The following ADAM12 variants were observed in gnomAD, a reference collection of about 807,000 sequenced individuals.
ADAM12 encodes disintegrin and metalloproteinase domain-containing protein 12.
A neutral mutation model predicts 106.4 loss-of-function variants in ADAM12; 70 were observed. The ratio of observed to expected loss-of-function variants is 0.66; its 90% CI spans 0.54 to 0.80. The LOEUF is 0.80. Ranked by LOEUF, ADAM12 falls within the 30% of genes least tolerant of loss-of-function variation. The pLI is 0.00. For missense variants in ADAM12, 1,010 were observed against 1,171.9 expected (o/e 0.86, Z 2.02); for synonymous variants, 420 against 433.5 (o/e 0.97, Z 0.39).
At chr10:126,289,027 G>C (rs1165773914) in intron 2 of ADAM12, among the ~76,000 whole-genome samples, 1 of 144,314 alleles carries the variant, frequency 6.9e-6, no homozygotes, top group Non-Finnish European at 1.5e-5. Context: ...CCAGGAATAA[G>C]ATTGTGTGGT....
At position 126,055,461 on chromosome 10, in the gene ADAM12, T is replaced by G. The variant is rs75140989; in HGVS notation, c.1610-5792A>C. Among the ~76,000 whole-genome samples the G allele has an allele frequency of 1.7e-3, 260 of 152,390 alleles. 1 individual carries two copies. In the East Asian group the frequency reaches 0.03, roughly 18 times the overall value. On this transcript the variant is annotated intron_variant, in intron 14 of 22. Transcript: ENST00000448723. ...CAGGCCACTTGTAATTAAAGTATGG[T>G]GCTGGATACAGCACGCGGTATCATC...
intron 11 of ADAM12, among the ~76,000 whole-genome samples, chr10:126,077,133 A>G (rs1003611884): frequency 2.6e-5 from 4 of 152,188 alleles, no homozygotes; most frequent in Non-Finnish European, 4.4e-5. Context: ...AACAAAATCA[A>G]GAACACAATC....
At chr10:126,385,350 G>C (rs1231310321) in intron 1 of ADAM12, among the ~76,000 whole-genome samples, 2 of 152,164 alleles carry the variant, frequency 1.3e-5, no homozygotes, top group African/African-American at 4.8e-5. Context: ...TTGCAAGGGA[G>C]GTGGCACTAA....
intron 2 of ADAM12, among the ~76,000 whole-genome samples, chr10:126,329,496 C>T (rs993680246): frequency 1.3e-5 from 2 of 152,126 alleles, no homozygotes; most frequent in African/African-American, 4.8e-5. Flanking sequence ...CTATACTTGA[C>T]TTGTACCTTG....
In ADAM12 at chr10:126,242,398, C is replaced by T. The variant is rs544989969; in HGVS notation, c.260+36517G>A. Among the ~76,000 whole-genome samples, 8 of 152,342 alleles carry T rather than the reference C, an allele frequency of 5.3e-5. No homozygotes were observed. In the South Asian group the frequency reaches 1.2e-3, roughly 24 times the overall value. ...TTATGGTTCAGCAGTAAACACTAAA[C>T]AGGCTTGCTCATTTTCCATTGAAAT... On this transcript the variant is annotated intron_variant, in intron 3 of 22. Transcript: ENST00000448723.
chr10:126,325,232 A>C (rs1438663257), intron 2 of ADAM12, among the ~76,000 whole-genome samples: 1 of 152,266 alleles, frequency 6.6e-6, no homozygotes, highest in African/African-American at 2.4e-5. Context: ...AGTAAGATAA[A>C]GAGTGAAAGG....
intron 3 of ADAM12, among the ~76,000 whole-genome samples, chr10:126,234,082 G>C (rs1958367385): frequency 6.6e-6 from 1 of 152,162 alleles, no homozygotes; most frequent in South Asian, 2.1e-4. Flanking sequence ...TACACAGCAG[G>C]CGGAGTACAG....
In ADAM12 at chr10:126,036,225, G is replaced by A. The variant is rs1464689823; in HGVS notation, c.2450C>T (p.Pro817Leu). 6 of 1,550,858 alleles carry A rather than the reference G, an allele frequency of 3.9e-6. No individual in the cohort carries two copies. Among genetic ancestry groups the A allele is most frequent in the Non-Finnish European group, 5.2e-6 (6 of 1,153,766 alleles). The change falls in exon 21 of 23, where the codon CCT (proline) becomes CTT (leucine). Residue 817 changes from proline to leucine, a missense_variant. Around this residue, in one of 3 missense-constraint regions of ADAM12, gnomAD observed 615 missense variants for 708.5 expected, o/e 0.87. Coordinates refer to ENST00000448723, the MANE Select transcript of ADAM12 (RefSeq NM_001288973.2). The part of the protein sequence containing the change: ...PQPQSTQRVL[P>L]PLHRAPRAPS... Reference sequence around the variant, plus strand: ...TGCACGTGGAGCCCGGTGGAGGGGAGGAAGCACTCGCTGAGTTGACTGGGG... The same window carrying A: ...TGCACGTGGAGCCCGGTGGAGGGGAAGAAGCACTCGCTGAGTTGACTGGGG...
At chr10:126,131,542 T>A (rs949352677) in intron 5 of ADAM12, among the ~76,000 whole-genome samples, 1 of 152,086 alleles carries the variant, frequency 6.6e-6, no homozygotes, top group Non-Finnish European at 1.5e-5. Context: ...CAGGCTTAGA[T>A]GAGATCATGA....
intron 3 of ADAM12, among the ~76,000 whole-genome samples, chr10:126,184,469 T>G (rs965287065): frequency 2.6e-5 from 4 of 152,366 alleles, no homozygotes; most frequent in African/African-American, 9.6e-5. Context: ...AAACCTTCAT[T>G]AGTACATTAG....
Position 126,174,597 on chromosome 10 carries a change from G to A in ADAM12, c.261-19292C>T, listed in dbSNP as rs375279756. On this transcript the variant is annotated intron_variant, in intron 3 of 22. Coordinates refer to ENST00000448723, the MANE Select transcript of ADAM12 (RefSeq NM_001288973.2). ...AATTGCATGTTTTTTACCCTATTCA[G>A]GGTGGTGCCACCATCTACCACAAGA... Among the ~76,000 whole-genome samples, 5 of 152,256 alleles carry A rather than the reference G, an allele frequency of 3.3e-5. No individual in the cohort carries two copies. The South Asian group carries it at 8.3e-4, about 25-fold the overall frequency.
intron 2 of ADAM12, among the ~76,000 whole-genome samples, chr10:126,311,102 C>CACACACAG (rs1961072043): frequency 7.9e-6 from 1 of 126,900 alleles, no homozygotes; most frequent in Non-Finnish European, 1.6e-5. Flanking sequence ...AATACACACA[C>CACACACAG]ACACACACAC....
intron 5 of ADAM12, among the ~76,000 whole-genome samples, chr10:126,123,693 G>T (rs1278306): frequency 0.66 from 100,535 of 152,104 alleles, 34,009 homozygotes; most frequent in African/African-American, 0.82. Context: ...GGGGACCCAG[G>T]CGGGACCTGT....
At chr10:126,359,955 G>T (rs1590823875) in intron 1 of ADAM12, among the ~76,000 whole-genome samples, 1 of 152,338 alleles carries the variant, frequency 6.6e-6, no homozygotes, top group Middle Eastern at 3.4e-3. Flanking sequence ...TCTAGCTGGA[G>T]GTTCCCAAAC....
intron 3 of ADAM12, among the ~76,000 whole-genome samples, chr10:126,260,440 T>C (rs1328563848): frequency 6.6e-6 from 1 of 152,220 alleles, no homozygotes; most frequent in Non-Finnish European, 1.5e-5. Context: ...GGACAAGAGA[T>C]TGGAGGAACC....
At position 126,041,482 on chromosome 10, in the gene ADAM12, C is replaced by A. The variant is rs1051748186; in HGVS notation, c.2104+1558G>T. 3.0e-6 allele frequency: 3 copies of A among 985,386 alleles called. No homozygotes were observed. The African/African-American group carries it at 5.2e-5, about 17-fold the overall frequency. 61.0% of individuals were successfully genotyped at this position (985,386 alleles called of 1,614,324 possible). A position where few individuals can be genotyped will look rare whatever the true frequency, so the allele number is the denominator to read the frequency against. On this transcript the variant is annotated intron_variant, in intron 18 of 22. Coordinates refer to ENST00000448723, the MANE Select transcript of ADAM12 (RefSeq NM_001288973.2). ...TGTGGGTTCCCTGGCTTTCTGCAAACCCTCAAACCTGAGTACTGCTGGTCA... is the reference window on the plus strand; with the variant it reads ...TGTGGGTTCCCTGGCTTTCTGCAAAACCTCAAACCTGAGTACTGCTGGTCA...
intron 2 of ADAM12, among the ~76,000 whole-genome samples, chr10:126,313,180 C>A (rs762630939): frequency 6.6e-6 from 1 of 152,198 alleles, no homozygotes; most frequent in East Asian, 1.9e-4. Flanking sequence ...GGCAAGTCAG[C>A]GCTGGCTGTC....
At chr10:126,284,670 G>A (rs1026367424) in intron 2 of ADAM12, among the ~76,000 whole-genome samples, 7 of 152,132 alleles carry the variant, frequency 4.6e-5, no homozygotes, top group East Asian at 1.9e-4. Context: ...CTACAGGCTC[G>A]AGCGATCACG....
At chr10:126,100,830 A>C (rs1183850181) in intron 9 of ADAM12, among the ~76,000 whole-genome samples, 2 of 152,218 alleles carry the variant, frequency 1.3e-5, no homozygotes, top group Non-Finnish European at 2.9e-5. Context: ...TTCTAGAAGA[A>C]GGAAATGAGA....
Sources: allele counts gnomAD v4.1 joint callset (sites outside exome capture counted in the v4.1 genomes callset), GRCh38; gene constraint gnomAD v4.1.1; regional missense constraint gnomAD v4.1.1; transcripts MANE v1.5; gene names NCBI Gene and HGNC (gene_info 2026-07-23, HGNC 2026-07-21).